The following CCT5 variants were observed in gnomAD, a reference collection of about 807,000 sequenced individuals.
CCT5 encodes the protein T-complex protein 1 subunit epsilon.
In CCT5, 6 loss-of-function variants were observed where a neutral mutation model predicts 55.0. That is an observed-to-expected ratio of 0.11 (90% CI 0.06 to 0.22). The LOEUF is 0.22. Ranked by LOEUF, CCT5 falls within the 10% of genes least tolerant of loss-of-function variation. The probability of loss-of-function intolerance (pLI) is 1.00; values close to 1 mark genes in which losing one functional copy is unlikely to be tolerated. For missense variants in CCT5, 560 were observed against 694.6 expected, an observed-to-expected ratio of 0.81 and a Z score of 2.18; for synonymous variants, 231 against 243.7, an observed-to-expected ratio of 0.95 and a Z score of 0.49.
In CCT5 at chr5:10,258,190, G is replaced by A. The variant is rs1266138297; in HGVS notation, c.610G>A (p.Val204Ile). The change falls in exon 5 of 11, where the codon GTT (valine) becomes ATT (isoleucine). Residue 204 changes from valine (V) to isoleucine (I), a missense_variant. Val to Ile is a conservative substitution (Grantham distance 29). Coordinates refer to ENST00000280326, the MANE Select transcript of CCT5 (RefSeq NM_012073.5). ...TGTAGCAGATATGGAGCGGAGAGAC[G>A]TTGACTTTGAGCTTATCAAAGTAGA... The part of the protein sequence containing the change: ...LTVADMERRD[V>I]DFELIKVEGK... 13 of 1,614,086 alleles carry A rather than the reference G, an allele frequency of 8.1e-6. No homozygotes were observed. The highest frequency in any genetic ancestry group is 1.0e-5 in the Non-Finnish European group (12 of 1,180,030).
At chr5:10,257,466 A>G (rs937274889) in intron 4 of CCT5, among the ~76,000 whole-genome samples, 3 of 152,232 alleles carry the variant, frequency 2.0e-5, no homozygotes, top group African/African-American at 7.2e-5. Flanking sequence ...GTTTACTTTC[A>G]TGGTTCTCTT....
chr5:10,250,246 C>T, upstream of CCT5: 6 of 1,590,506 alleles, frequency 3.8e-6, no homozygotes, highest in Non-Finnish European at 5.1e-6. Flanking sequence ...GCTGCGCGTG[C>T]GCAAGCTTTT....
chr5:10,251,056 GA>G (rs536776905), intron 1 of CCT5, among the ~76,000 whole-genome samples: 31 of 152,338 alleles, frequency 2.0e-4, no homozygotes, highest in African/African-American at 7.0e-4. Context: ...GGTGCTGGAG[GA>G]CAGCTTTAGA....
chr5:10,260,348 G>T lies in CCT5; in HGVS notation c.874-444G>T, dbSNP rs146481449. Among the ~76,000 whole-genome samples, 47 of 152,326 alleles carry T rather than the reference G, an allele frequency of 3.1e-4. No individual in the cohort carries two copies. The East Asian group carries it at 8.5e-3, about 28-fold the overall frequency. ...CGAATTAGTTTATGGATCCACTGAG[G>T]ATTGTCCACTCAGGTGAGACAGTCA... is the stretch of plus-strand genomic sequence containing the variant. On this transcript the variant is annotated intron_variant, in intron 6 of 10. Transcript: ENST00000280326.
At chr5:10,255,824 G>A in intron 3 of CCT5, 131 bp from the exon 4 acceptor site, 2 of 798,922 alleles carry the variant, frequency 2.5e-6, no homozygotes, top group South Asian at 3.0e-5. Flanking sequence ...GAGGGCTTCT[G>A]CCTCTAAGAT....
rs1405155831 is a variant in CCT5, at chr5:10,265,402, G to A, written c.*619G>A. 6.5e-6 allele frequency: 1 copy of A among 154,310 alleles called. No individual in the cohort carries two copies. The highest frequency in any genetic ancestry group is 1.4e-5 in the Non-Finnish European group (1 of 69,490). 9.6% of individuals were successfully genotyped at this position (154,310 alleles called of 1,614,324 possible). A position where few individuals can be genotyped will look rare whatever the true frequency, so the allele number is the denominator to read the frequency against. ...CAGAATCAGGACCAGCATGTGCAGA[G>A]CTGGCCACCAGCACAGGCTTAGGGC... On this transcript the variant is annotated 3_prime_UTR_variant, in exon 11 of 11. Coordinates refer to ENST00000280326, the MANE Select transcript of CCT5 (RefSeq NM_012073.5).
intron 1 of CCT5, among the ~76,000 whole-genome samples, chr5:10,251,551 C>G (rs1430946394): frequency 6.6e-6 from 1 of 152,138 alleles, no homozygotes; most frequent in Admixed American, 6.5e-5. Flanking sequence ...TTTACTTACG[C>G]AAAGTTAGAA....
In CCT5 at chr5:10,264,716, C is replaced by G. The variant is rs1746138517; in HGVS notation, c.1559C>G (p.Ala520Gly). 6.2e-7 allele frequency: 1 copy of G among 1,613,796 alleles called. No homozygotes were observed. The highest frequency in any genetic ancestry group is 8.5e-7 in the Non-Finnish European group (1 of 1,179,732). ...LIGKKQQISL[A>G]TQMVRMILKI... ...GGCAAAAAGCAACAGATATCTCTTG[C>G]AACACAAATGGTTAGAATGATTTTG... Residue 520 changes from alanine (A) to glycine (G), a missense_variant, in exon 11 of 11, where the codon GCA (alanine) becomes GGA (glycine). Coordinates refer to ENST00000280326, the MANE Select transcript of CCT5 (RefSeq NM_012073.5).
At chr5:10,250,588 G>T (rs1745335152) in intron 1 of CCT5, 143 bp downstream of exon 1, 1 of 1,478,716 alleles carries the variant, frequency 6.8e-7, no homozygotes, top group Non-Finnish European at 9.0e-7. Context: ...GTCTCCGGCC[G>T]CTCAGCCCGC....
intron 4 of CCT5, among the ~76,000 whole-genome samples, chr5:10,257,352 G>A (rs1029654414): frequency 4.6e-5 from 7 of 152,146 alleles, no homozygotes; most frequent in Non-Finnish European, 8.8e-5. Flanking sequence ...CATGAAAGGA[G>A]GACATCATCA....
At chr5:10,257,630 G>A (rs1384956516) in intron 4 of CCT5, among the ~76,000 whole-genome samples, 2 of 152,206 alleles carry the variant, frequency 1.3e-5, no homozygotes, top group African/African-American at 4.8e-5. Context: ...ATGTTGTGGT[G>A]AATTCTTGGA....
rs547278763 is a variant in CCT5 at position 10,266,295 on chromosome 5, A to G, written c.*1512A>G. ...CTCACAGACGTTCCTGTTTTTTGTG[A>G]TTGAGAAACTGGTCAATGAACAGGA... On this transcript the variant is annotated 3_prime_UTR_variant, in exon 11 of 11. Transcript: ENST00000280326. 3.3e-5 allele frequency: 5 copies of G among 152,250 alleles called. No individual in the cohort carries two copies. Among genetic ancestry groups the G allele is most frequent in the African/African-American group, 1.2e-4 (5 of 41,560 alleles). The allele number at this position is 152,250 out of a possible 1,614,324, so 9.4% of individuals were successfully genotyped here. A position where few individuals can be genotyped will look rare whatever the true frequency, so the allele number is the denominator to read the frequency against.
intron 4 of CCT5, 181 bp from the exon 5 acceptor site, chr5:10,257,930 A>G (rs1335056507): frequency 6.0e-6 from 4 of 668,834 alleles, no homozygotes; most frequent in Non-Finnish European, 1.1e-5. Context: ...TTTAGGGCCC[A>G]TGGATCACAG....
intron 6 of CCT5, among the ~76,000 whole-genome samples, chr5:10,259,888 AT>A (rs11303078): frequency 0.74 from 111,747 of 151,592 alleles, 43,394 homozygotes; most frequent in East Asian, 0.86. Flanking sequence ...ATGGGGCTAG[AT>A]AGTAAAATGT....
At position 10,256,350 on chromosome 5, in the gene CCT5, A is replaced by G. The variant is rs115304223; in HGVS notation, c.530+197A>G. 7.7e-3 allele frequency among the ~76,000 whole-genome samples: 1,177 copies of G among 152,352 alleles called. 8 individuals are homozygous for G. Among genetic ancestry groups the G allele is most frequent in the Non-Finnish European group, 0.013 (886 of 68,026 alleles). ...ATTTAAGTTGAGAACTGAATTTCTA[A>G]GTTCAGGTATAAATCCCCTTGACAA... is the stretch of plus-strand genomic sequence containing the variant. On this transcript the variant is annotated intron_variant, in intron 4 of 10. Transcript: ENST00000280326.
upstream of CCT5, chr5:10,249,930 A>C (rs923774229): frequency 1.3e-5 from 10 of 756,056 alleles, 1 homozygote; most frequent in African/African-American, 9.0e-5. Flanking sequence ...AAAAAAAAAA[A>C]AAAACCGGAA....
At chr5:10,250,881 G>A in intron 1 of CCT5, 1 of 1,043,248 alleles carries the variant, frequency 9.6e-7, no homozygotes, top group Non-Finnish European at 1.2e-6. Flanking sequence ...CGTTTTCTTT[G>A]TCACTCGTAA....
At chr5:10,259,119 A>G (rs1561049072) in intron 6 of CCT5, among the ~76,000 whole-genome samples, 1 of 152,214 alleles carries the variant, frequency 6.6e-6, no homozygotes, top group Non-Finnish European at 1.5e-5. Context: ...TGCCTTTAAG[A>G]TTTCTGACTA....
At position 10,250,294 on chromosome 5, in the gene CCT5, G is replaced by C. The variant is rs775812390; in HGVS notation, c.-47G>C. 6.2e-7 allele frequency: 1 copy of C among 1,613,324 alleles called. No individual in the cohort carries two copies. The highest frequency in any genetic ancestry group is 2.2e-5 in the East Asian group (1 of 44,870). On this transcript the variant is annotated 5_prime_UTR_variant, in exon 1 of 11. Coordinates refer to ENST00000280326, the MANE Select transcript of CCT5 (RefSeq NM_012073.5). ...GAAAGGGAAGTGCATTCTCGCTTCC[G>C]TAGCGGTCTCCGCCGGTTGGGGGGA...
Sources: gnomAD v4.1 joint callset for allele counts (sites outside exome capture counted in the v4.1 genomes callset) on GRCh38, gnomAD v4.1.1 for gene constraint, MANE v1.5 for transcripts, NCBI Gene and HGNC (gene_info 2026-07-23, HGNC 2026-07-21) for gene names.